The following CDS2 variants were observed in gnomAD, a reference collection of about 807,000 sequenced individuals.
CDS2 encodes phosphatidate cytidylyltransferase 2.
CDS2 carries 47 observed loss-of-function variants against 59.0 expected under a neutral mutation model. The ratio of observed to expected loss-of-function variants is 0.80; its 90% confidence interval spans 0.63 to 1.02. CDS2 has a LOEUF of 1.02. CDS2 is among the 50% of genes least tolerant of loss of function. CDS2 has a pLI of 0.00. For missense variants in CDS2, 356 were observed against 558.9 expected (o/e 0.64, Z 3.66); for synonymous variants, 207 against 206.4 (o/e 1.00, Z -0.02).
intron 9 of CDS2, 100 bp downstream of exon 9, chr20:5,185,926 G>C: frequency 1.7e-6 from 2 of 1,144,186 alleles, no homozygotes; most frequent in Non-Finnish European, 2.6e-6. Flanking sequence ...TTGGAGGCCA[G>C]GACTGTCCTG....
At chr20:5,154,741 G>A (rs139502914) in intron 1 of CDS2, among the ~76,000 whole-genome samples, 156 of 152,270 alleles carry the variant, frequency 1.0e-3, no homozygotes, top group Non-Finnish European at 1.9e-3. Context: ...TCCACCTCCC[G>A]GGCTCAAGAG....
Position 5,168,589 on chromosome 20 carries a change from T to G in CDS2, c.58-4934T>G, listed in dbSNP as rs767001364. ...ATCACTACTTTGGGTGTCAGAGTCT[T>G]GAGAAATATCCAGGTAGGAGGGTGG... On this transcript the variant is annotated intron_variant, in intron 1 of 12. Transcript: ENST00000460006. 5 of 518,468 alleles carry G rather than the reference T, an allele frequency of 9.6e-6. No homozygotes were observed. The Admixed American group carries it at 9.7e-5, about 10-fold the overall frequency. 32.1% of individuals were successfully genotyped at this position (518,468 alleles called of 1,614,324 possible).
chr20:5,151,279 T>A (rs902214336), intron 1 of CDS2, among the ~76,000 whole-genome samples: 1 of 152,190 alleles, frequency 6.6e-6, no homozygotes, highest in African/African-American at 2.4e-5. Flanking sequence ...GTAAAACTGA[T>A]GCAAGTGTAC....
chr20:5,152,469 C>T (rs189942904), intron 1 of CDS2, among the ~76,000 whole-genome samples: 27 of 152,292 alleles, frequency 1.8e-4, no homozygotes, highest in East Asian at 1.2e-3. Context: ...AGGCCAGGTA[C>T]GGTGGCTCAC....
At chr20:5,127,447 C>A (rs1352881876) in intron 1 of CDS2, among the ~76,000 whole-genome samples, 1 of 152,178 alleles carries the variant, frequency 6.6e-6, no homozygotes, top group African/African-American at 2.4e-5. Flanking sequence ...TGCGGGGACT[C>A]CCCTCTCCCC....
chr20:5,168,406 C>T (rs1284933264), intron 1 of CDS2, among the ~76,000 whole-genome samples: 2 of 140,230 alleles, frequency 1.4e-5, no homozygotes, highest in Admixed American at 7.3e-5. Flanking sequence ...CAGAGCAAGA[C>T]TCTGTCCCCC....
chr20:5,140,762 T>C (rs2090686915), intron 1 of CDS2, among the ~76,000 whole-genome samples: 1 of 152,230 alleles, frequency 6.6e-6, no homozygotes, highest in Non-Finnish European at 1.5e-5. Context: ...TCAATGCTGC[T>C]ACCATCACAG....
At chr20:5,131,447 A>G (rs2090607239) in intron 1 of CDS2, among the ~76,000 whole-genome samples, 1 of 152,222 alleles carries the variant, frequency 6.6e-6, no homozygotes, top group Non-Finnish European at 1.5e-5. Flanking sequence ...TAGGAAAGCA[A>G]AGGATGAGAT....
chr20:5,148,563 T>G (rs974618223), intron 1 of CDS2, among the ~76,000 whole-genome samples: 1 of 152,226 alleles, frequency 6.6e-6, no homozygotes, highest in Admixed American at 6.5e-5. Context: ...CTCTGACGGC[T>G]TAAAAAATGA....
intron 4 of CDS2, among the ~76,000 whole-genome samples, chr20:5,178,171 G>T (rs1332266307): frequency 1.3e-5 from 2 of 152,228 alleles, no homozygotes; most frequent in Non-Finnish European, 1.5e-5. Flanking sequence ...CAAGTGAAGA[G>T]TTAACGCTAA....
rs138171744 is a variant in CDS2, at chr20:5,180,702, T to G, written c.530-1685T>G. ...CCTAACCGTCTGGGAATGCAGACCCTGTAGATCTCAGCCTCATTTTACCCA... is the reference window on the plus strand; with the variant it reads ...CCTAACCGTCTGGGAATGCAGACCCGGTAGATCTCAGCCTCATTTTACCCA... On this transcript the variant is annotated intron_variant, in intron 5 of 12. Transcript: ENST00000460006. 2.0e-3 allele frequency among the ~76,000 whole-genome samples: 298 copies of G among 152,320 alleles called. 1 individual carries two copies. Among genetic ancestry groups the G allele is most frequent in the Non-Finnish European group, 3.5e-3 (237 of 68,026 alleles).
intron 1 of CDS2, among the ~76,000 whole-genome samples, chr20:5,139,291 G>A (rs1301132697): frequency 6.6e-6 from 1 of 152,206 alleles, no homozygotes; most frequent in Non-Finnish European, 1.5e-5. Context: ...AACTTGGGAG[G>A]TGGAGGCTGT....
intron 1 of CDS2, among the ~76,000 whole-genome samples, chr20:5,152,090 A>C (rs36076691): frequency 2.3e-5 from 3 of 132,344 alleles, no homozygotes; most frequent in Admixed American, 1.5e-4. Context: ...TAAAAAAAAA[A>C]AAAACAAAAA....
At chr20:5,164,363 A>G (rs954206131) in intron 1 of CDS2, among the ~76,000 whole-genome samples, 5 of 152,092 alleles carry the variant, frequency 3.3e-5, no homozygotes, top group African/African-American at 4.8e-5. Context: ...TCTCATGTCT[A>G]CTTATTTTGT....
intron 1 of CDS2, among the ~76,000 whole-genome samples, chr20:5,169,087 C>T (rs2090935796): frequency 6.6e-6 from 1 of 152,234 alleles, no homozygotes; most frequent in African/African-American, 2.4e-5. Flanking sequence ...GAGCTTCCCC[C>T]TTCCTTTAAA....
intron 1 of CDS2, chr20:5,168,633 A>G (rs903427733): frequency 7.7e-6 from 4 of 518,558 alleles, no homozygotes; most frequent in African/African-American, 5.8e-5. Context: ...CACCAAGTGA[A>G]GACCGAAAGG....
chr20:5,133,510 C>T (rs1425831042), intron 1 of CDS2, among the ~76,000 whole-genome samples: 13 of 151,702 alleles, frequency 8.6e-5, no homozygotes, highest in South Asian at 2.1e-4. Context: ...CAGAATGGTT[C>T]GTATTATGAA....
chr20:5,176,887 G>C, intron 4 of CDS2, 142 bp downstream of exon 4: 2 of 650,706 alleles, frequency 3.1e-6, no homozygotes, highest in Non-Finnish European at 5.5e-6. Context: ...GTCATACAAA[G>C]TTTCATGAAG....
At chr20:5,188,095 A>G (rs2091083691) in intron 10 of CDS2, among the ~76,000 whole-genome samples, 1 of 150,970 alleles carries the variant, frequency 6.6e-6, no homozygotes, top group Non-Finnish European at 1.5e-5. Context: ...TCACATGAGA[A>G]AAAACACAAA....
Sources: gnomAD v4.1 joint callset for allele counts (sites outside exome capture counted in the v4.1 genomes callset) on GRCh38, gnomAD v4.1.1 for gene constraint, MANE v1.5 for transcripts, NCBI Gene and HGNC (gene_info 2026-07-23, HGNC 2026-07-21) for gene names.